Variants in CEP128 observed in about 807,000 individuals in gnomAD.
CEP128 encodes the protein centrosomal protein 128kDa.
CEP128 carries 132 observed loss-of-function variants against 156.7 expected under a neutral mutation model. The ratio of observed to expected loss-of-function variants is 0.84; its 90% confidence interval spans 0.73 to 0.97. CEP128 has a LOEUF of 0.97. Among genes scored for constraint, CEP128 ranks in the 50% least tolerant of loss-of-function variants. CEP128 has a pLI of 0.00. For missense variants in CEP128, 1,252 were observed against 1,281.9 expected (o/e 0.98, Z 0.36); for synonymous variants, 469 against 448.9 (o/e 1.04, Z -0.57).
intron 15 of CEP128, 106 bp from the exon 16 acceptor site, chr14:80,778,152 C>A: frequency 1.2e-6 from 1 of 869,454 alleles, no homozygotes; most frequent in African/African-American, 1.7e-5. Context: ...GATTTCAGCT[C>A]GTTCAAAGCA....
chr14:80,554,962 G>T (rs942751409), intron 21 of CEP128, among the ~76,000 whole-genome samples: 3 of 151,892 alleles, frequency 2.0e-5, no homozygotes, highest in Admixed American at 6.6e-5. Context: ...CCAACAGAAT[G>T]TTTCAGTAAC....
At chr14:80,807,222 T>TA (rs1274650003) in intron 13 of CEP128, among the ~76,000 whole-genome samples, 6 of 152,308 alleles carry the variant, frequency 3.9e-5, no homozygotes, top group African/African-American at 1.4e-4. Context: ...GGGTACTTTC[T>TA]ATGCCACTAA....
intron 14 of CEP128, among the ~76,000 whole-genome samples, chr14:80,481,050 A>T (rs1469836224): frequency 6.6e-6 from 1 of 152,154 alleles, no homozygotes; most frequent in East Asian, 1.9e-4. Flanking sequence ...TCTGCCTGTT[A>T]CCCAGTTCCA....
At chr14:80,603,587 G>A (rs1474688580) in intron 19 of CEP128, among the ~76,000 whole-genome samples, 2 of 151,976 alleles carry the variant, frequency 1.3e-5, no homozygotes, top group Non-Finnish European at 2.9e-5. Context: ...CAGTCACATG[G>A]GTCTACAATC....
chr14:80,918,360 T>C (rs898719042), intron 2 of CEP128, among the ~76,000 whole-genome samples: 1 of 152,194 alleles, frequency 6.6e-6, no homozygotes, highest in Non-Finnish European at 1.5e-5. Context: ...CCATCAAGCA[T>C]TTTCCATTAG....
intron 2 of CEP128, among the ~76,000 whole-genome samples, chr14:80,946,839 G>T (rs2139651832): frequency 6.6e-6 from 1 of 152,310 alleles, no homozygotes; most frequent in South Asian, 2.1e-4. Context: ...ACGTGGAATT[G>T]CAATCCCTAA....
At chr14:80,946,000 G>A (rs148103806), upstream of CEP128, among the ~76,000 whole-genome samples, 34 of 152,308 alleles carry the variant, frequency 2.2e-4, 1 homozygote, top group African/African-American at 7.0e-4. Context: ...ATTCAAGTCC[G>A]TTATAATGCC....
Position 80,777,873 on chromosome 14 carries a change from T to C in CEP128, c.2376+9A>G. The C allele has an allele frequency of 6.4e-7, 1 of 1,563,476 alleles. No homozygotes were observed. The highest frequency in any genetic ancestry group is 8.8e-7 in the Non-Finnish European group (1 of 1,141,494). On this transcript the variant is annotated intron_variant, in intron 16 of 24. Transcript: ENST00000555265. ...AGAATTTGAAATTAGAATTCACTCA[T>C]ATTTTTACCCTTTCTTCTAGTTGAT...
At chr14:80,655,800 G>A (rs1895106296) in intron 19 of CEP128, among the ~76,000 whole-genome samples, 2 of 152,156 alleles carry the variant, frequency 1.3e-5, no homozygotes, top group Admixed American at 1.3e-4. Context: ...AAAAGAAAAT[G>A]GAAAAGAGAT....
At chr14:80,937,758 T>C (rs1452575682) in intron 2 of CEP128, among the ~76,000 whole-genome samples, 1 of 152,210 alleles carries the variant, frequency 6.6e-6, no homozygotes, top group Non-Finnish European at 1.5e-5. Flanking sequence ...ATTACATGGA[T>C]AGTGTATTCT....
In CEP128 at chr14:80,917,512, T is replaced by C. The variant is rs530004144; in HGVS notation, c.-15-950A>G. ...TGCTGGCTGATTAAATATAGTGTGA[T>C]AAAAACATTTCTTTTTTGTTTTGTT... On this transcript the variant is annotated intron_variant, in intron 2 of 24. Coordinates refer to ENST00000555265, the MANE Select transcript of CEP128 (RefSeq NM_152446.5). Among the ~76,000 whole-genome samples the C allele has an allele frequency of 2.6e-5, 4 of 152,318 alleles. No individual in the cohort carries two copies. The South Asian group carries it at 6.2e-4, about 24-fold the overall frequency.
intron 22 of CEP128, among the ~76,000 whole-genome samples, chr14:80,528,720 C>T (rs1434318383): frequency 6.6e-6 from 1 of 152,168 alleles, no homozygotes; most frequent in African/African-American, 2.4e-5. Flanking sequence ...TATATAGGAA[C>T]CCAGAGATAA....
chr14:80,538,788 T>C (rs1889605530), intron 21 of CEP128, among the ~76,000 whole-genome samples: 1 of 152,228 alleles, frequency 6.6e-6, no homozygotes, highest in African/African-American at 2.4e-5. Context: ...TTCTTTCGTA[T>C]GTCAGCTTAG....
chr14:80,688,823 A>G (rs1896612180), intron 19 of CEP128, among the ~76,000 whole-genome samples: 1 of 152,230 alleles, frequency 6.6e-6, no homozygotes, highest in Non-Finnish European at 1.5e-5. Context: ...TATTAGAACT[A>G]TCTGAAAAGT....
intron 19 of CEP128, among the ~76,000 whole-genome samples, chr14:80,636,328 A>C (rs1199545909): frequency 6.6e-6 from 1 of 152,230 alleles, no homozygotes; most frequent in Non-Finnish European, 1.5e-5. Context: ...ACTCAACATC[A>C]TAGTTCTTTA....
chr14:80,522,799 T>C (rs1888802834), intron 23 of CEP128, among the ~76,000 whole-genome samples: 1 of 152,196 alleles, frequency 6.6e-6, no homozygotes, highest in Admixed American at 6.5e-5. Context: ...TTAGGCTTGA[T>C]GAAAGAGAGG....
At chr14:80,535,869 T>G (rs1220832584) in intron 21 of CEP128, among the ~76,000 whole-genome samples, 1 of 152,198 alleles carries the variant, frequency 6.6e-6, no homozygotes, top group Non-Finnish European at 1.5e-5. Context: ...AAGCACAAGT[T>G]TGATGTTTTA....
chr14:80,941,535 C>T (rs1281849339), intron 1 of CEP128, 46 bp downstream of exon 1: 1 of 152,624 alleles, frequency 6.6e-6, no homozygotes, highest in East Asian at 1.9e-4. Context: ...TACAGTAAGA[C>T]GGGGAAGTGG....
At chr14:80,887,611 T>G (rs961922546) in intron 8 of CEP128, among the ~76,000 whole-genome samples, 1 of 152,196 alleles carries the variant, frequency 6.6e-6, no homozygotes, top group African/African-American at 2.4e-5. Flanking sequence ...CCAGAATGTC[T>G]GGGATACAGC....
Sources: gnomAD v4.1 joint callset for allele counts (sites outside exome capture counted in the v4.1 genomes callset) on GRCh38, gnomAD v4.1.1 for gene constraint, MANE v1.5 for transcripts, NCBI Gene and HGNC (gene_info 2026-07-23, HGNC 2026-07-21) for gene names.